PAGE1: variants seen among roughly 807,000 people sequenced by gnomAD.
The protein encoded by PAGE1 is PAGE family member 1, also known as P antigen family member 1.
PAGE1 carries 6 observed loss-of-function variants against 11.5 expected under a neutral mutation model. The ratio of observed to expected loss-of-function variants is 0.52; its 90% CI spans 0.29 to 1.03. PAGE1 has a LOEUF of 1.03. PAGE1 is among the 50% of genes least tolerant of loss of function. The probability of loss-of-function intolerance (pLI) is 0.09; values close to 1 mark genes in which losing one functional copy is unlikely to be tolerated. For synonymous variants in PAGE1, 42 were observed against 40.2 expected (o/e 1.05, Z -0.17); for missense variants, 120 against 110.2 (o/e 1.09, Z -0.40).
chrX:49,689,762 A>ACACATATATG, intron 4 of PAGE1, among the ~76,000 whole-genome samples: 1 of 62,908 alleles, frequency 1.6e-5, no homozygotes, highest in African/African-American at 6.5e-5. Context: ...GTATATATAC[A>ACACATATATG]TATATATGTG....
chrX:49,694,063 CA>C (rs1557142537), intron 3 of PAGE1, 35 bp downstream of exon 3: 120 of 829,116 alleles, frequency 1.4e-4, no homozygotes, highest in East Asian at 1.1e-3. Context: ...CACACACACA[CA>C]CCCCAACAGG....
At chrX:49,693,986 C>A in intron 3 of PAGE1, 113 bp downstream of exon 3, 1 of 413,949 alleles carries the variant, frequency 2.4e-6, no homozygotes, top group Non-Finnish European at 4.1e-6. Context: ...GCATGGCTTT[C>A]ATTCCTCCTG....
intron 5 of PAGE1, 71 bp downstream of exon 5, chrX:49,689,347 A>G: frequency 1.1e-6 from 1 of 937,690 alleles, no homozygotes; most frequent in Non-Finnish European, 1.4e-6. Context: ...TCTCAAAAAA[A>G]TAATAATTAT....
At chrX:49,690,617 A>G (rs782419125) in intron 4 of PAGE1, among the ~76,000 whole-genome samples, 25 of 111,965 alleles carry the variant, frequency 2.2e-4, no homozygotes, top group Non-Finnish European at 2.1e-4. Context: ...ATCCTGAATG[A>G]CAAAGAAAAA....
chrX:49,694,815 G>A (rs1557142664), intron 1 of PAGE1, 37 bp from the exon 2 acceptor site: 1 of 775,735 alleles, frequency 1.3e-6, no homozygotes, highest in South Asian at 2.3e-5. Flanking sequence ...ACATGCACTT[G>A]AGAGGACAGC....
intron 4 of PAGE1, among the ~76,000 whole-genome samples, chrX:49,690,701 A>C (rs782176654): frequency 3.4e-4 from 38 of 110,555 alleles, no homozygotes; most frequent in Non-Finnish European, 7.0e-4. Context: ...CTTGAACTGG[A>C]CTCTGGATCA....
At position 49,694,795 on chromosome X, in the gene PAGE1, G is replaced by A. The variant is rs369582066; in HGVS notation, c.-8-17C>T. 7 of 1,009,753 alleles carry A rather than the reference G, an allele frequency of 6.9e-6. No individual in the cohort carries two copies. In the African/African-American group the frequency reaches 9.4e-5, roughly 14 times the overall value. 83.2% of individuals were successfully genotyped at this position (1,009,753 alleles called of 1,213,427 possible). On this transcript the variant is annotated splice_polypyrimidine_tract_variant and intron_variant, in intron 1 of 5. Coordinates refer to ENST00000376150, the MANE Select transcript of PAGE1 (RefSeq NM_003785.4). The stretch of plus-strand genomic sequence containing the variant: ...TATTTCACACTGAAAAGAGAAAATT[G>A]TGATTGGGAACATGCACTTGAGAGG...
At chrX:49,688,922 C>T (rs2066893325) in intron 5 of PAGE1, among the ~76,000 whole-genome samples, 1 of 112,328 alleles carries the variant, frequency 8.9e-6, no homozygotes, top group Non-Finnish European at 1.9e-5. Flanking sequence ...ATGGCTTTGT[C>T]TCAGTTTGTT....
chrX:49,689,169 C>T (rs1037244886), intron 5 of PAGE1, among the ~76,000 whole-genome samples: 3 of 108,838 alleles, frequency 2.8e-5, no homozygotes, highest in African/African-American at 1.0e-4. Flanking sequence ...GGCAAAACCT[C>T]GTCTCTACTA....
intron 3 of PAGE1, 76 bp downstream of exon 3, chrX:49,694,023 C>G (rs1325430706): frequency 9.0e-6 from 1 of 111,534 alleles, no homozygotes; most frequent in Non-Finnish European, 1.5e-5. Context: ...ATGCATGAGA[C>G]ACACACACAC....
At chrX:49,688,397 T>A (rs1484506803) in intron 5 of PAGE1, among the ~76,000 whole-genome samples, 2 of 110,588 alleles carry the variant, frequency 1.8e-5, no homozygotes, top group African/African-American at 3.3e-5. Flanking sequence ...GTGAGACTTG[T>A]CACTCTGTCA....
At chrX:49,694,338 C>T in intron 2 of PAGE1, 137 bp from the exon 3 acceptor site, 1 of 431,908 alleles carries the variant, frequency 2.3e-6, no homozygotes, top group Non-Finnish European at 4.0e-6. Context: ...AATATTTCTC[C>T]AACTTTATTC....
intron 3 of PAGE1, among the ~76,000 whole-genome samples, 193 bp downstream of exon 3, chrX:49,693,906 A>T (rs782539408): frequency 9.1e-6 from 1 of 110,078 alleles, no homozygotes; most frequent in South Asian, 4.0e-4. Flanking sequence ...ATAGTGAGGG[A>T]TTTATTTCCC....
intron 4 of PAGE1, among the ~76,000 whole-genome samples, chrX:49,690,940 G>T (rs782447231): frequency 9.0e-6 from 1 of 111,346 alleles, no homozygotes; most frequent in Admixed American, 9.6e-5. Flanking sequence ...GACTTTGGGA[G>T]GCTAAGCTGG....
intron 5 of PAGE1, among the ~76,000 whole-genome samples, chrX:49,688,031 C>G (rs1458800829): frequency 8.9e-6 from 1 of 112,594 alleles, no homozygotes; most frequent in East Asian, 2.8e-4. Context: ...AGGGAGTGTG[C>G]GTAGCACAGG....
intron 4 of PAGE1, 34 bp downstream of exon 4, chrX:49,691,215 A>G (rs1370460637): frequency 2.5e-6 from 3 of 1,191,747 alleles, no homozygotes; most frequent in Admixed American, 4.6e-5. Context: ...GGAAACAGAC[A>G]CCCTACAATT....
In PAGE1 at chrX:49,687,532, T is replaced by A. The variant is rs1236776205; in HGVS notation, c.*9A>T. ...AGGAGCAGCCTGAACCATTTCAGCG[T>A]GTCTTCTTTTAAGGCTGTGATTGCC... On this transcript the variant is annotated 3_prime_UTR_variant, in exon 6 of 6. Coordinates refer to ENST00000376150, the MANE Select transcript of PAGE1 (RefSeq NM_003785.4). 1 of 1,202,202 alleles carries A rather than the reference T, an allele frequency of 8.3e-7. No individual in the cohort carries two copies. The highest frequency in any genetic ancestry group is 1.8e-5 in the African/African-American group (1 of 57,082).
chrX:49,689,577 T>TGTATATATATATATACATATAC (rs2066899007), intron 4 of PAGE1, 34 bp from the exon 5 acceptor site: 1 of 8,422 alleles, frequency 1.2e-4, no homozygotes, highest in African/African-American at 5.9e-4. Flanking sequence ...AAAAAAAAAA[T>TGTATATATATATATACATATAC]ATATATATAT....
chrX:49,695,694 G>A (rs367899091), intron 1 of PAGE1, among the ~76,000 whole-genome samples, 175 bp downstream of exon 1: 11 of 112,113 alleles, frequency 9.8e-5, no homozygotes, highest in African/African-American at 2.9e-4. Context: ...AGCCGATGGC[G>A]GCGTCGCAGC....
Sources: gnomAD v4.1 joint callset for allele counts (sites outside exome capture counted in the v4.1 genomes callset) on GRCh38, gnomAD v4.1.1 for gene constraint, MANE v1.5 for transcripts, NCBI Gene and HGNC (gene_info 2026-07-23, HGNC 2026-07-21) for gene names.